NPAS3: variants seen among roughly 807,000 people sequenced by gnomAD.
NPAS3 encodes the protein neuronal PAS domain-containing protein 3.
In NPAS3, 14 loss-of-function variants were observed where a neutral mutation model predicts 73.1. That is an observed-to-expected ratio of 0.19 (90% CI 0.13 to 0.30). The LOEUF (loss-of-function observed/expected upper bound fraction) is 0.30. Among genes scored for constraint, NPAS3 ranks in the 10% least tolerant of loss-of-function variants. The pLI is 1.00. For missense variants in NPAS3, 1,096 were observed against 1,250.0 expected (o/e 0.88, Z 1.86); for synonymous variants, 620 against 541.5 (o/e 1.14, Z -2.01).
In NPAS3 at chr14:33,752,242, TTTTA is replaced by T. The variant is rs767215419; in HGVS notation, c.852+16914_852+16917del. 6.4e-4 allele frequency among the ~76,000 whole-genome samples: 98 copies of T among 152,204 alleles called. 4 individuals are homozygous for T. The highest frequency in any genetic ancestry group is 5.9e-5 in the Non-Finnish European group (4 of 68,034). ...AGTTGCTTTCAGCTGCTTCATTTTA[TTTTA>T]TTTTTTTTCTTTCTCAAACATCTTT... On this transcript the variant is annotated intron_variant, in intron 7 of 11. Transcript: ENST00000356141.
intron 9 of NPAS3, among the ~76,000 whole-genome samples, chr14:33,789,956 A>G (rs1462991906): frequency 3.9e-5 from 6 of 152,212 alleles, no homozygotes; most frequent in Admixed American, 2.0e-4. Context: ...AGCGAGAGAC[A>G]CACAGGTTGC....
intron 3 of NPAS3, among the ~76,000 whole-genome samples, chr14:33,366,454 A>G (rs1217662271): frequency 6.6e-6 from 1 of 152,160 alleles, no homozygotes; most frequent in Non-Finnish European, 1.5e-5. Context: ...AAGCAGGTGA[A>G]GCGTGCCTGG....
At chr14:33,488,623 G>C (rs2051731523) in intron 4 of NPAS3, among the ~76,000 whole-genome samples, 1 of 152,174 alleles carries the variant, frequency 6.6e-6, no homozygotes, top group African/African-American at 2.4e-5. Flanking sequence ...CTGGCTCAGA[G>C]TGTTTTGGGG....
chr14:32,990,499 T>C (rs2038286411), intron 1 of NPAS3, among the ~76,000 whole-genome samples: 1 of 152,204 alleles, frequency 6.6e-6, no homozygotes, highest in African/African-American at 2.4e-5. Flanking sequence ...TTATTCCTCC[T>C]TCCCTCATTG....
chr14:33,290,289 G>A (rs2042047974), intron 3 of NPAS3, among the ~76,000 whole-genome samples: 1 of 152,006 alleles, frequency 6.6e-6, no homozygotes, highest in African/African-American at 2.4e-5. Context: ...TTCCAGGATT[G>A]TATTTTATTG....
intron 4 of NPAS3, among the ~76,000 whole-genome samples, chr14:33,367,526 C>T (rs1047649817): frequency 6.6e-6 from 1 of 152,000 alleles, no homozygotes; most frequent in South Asian, 2.1e-4. Context: ...TTAGTTCATG[C>T]GCCATGTGTA....
At chr14:33,085,249 G>A (rs2138753901) in intron 2 of NPAS3, among the ~76,000 whole-genome samples, 1 of 152,322 alleles carries the variant, frequency 6.6e-6, no homozygotes, top group South Asian at 2.1e-4. Flanking sequence ...CAGGAGTGCT[G>A]TCAGTCATTA....
rs80147474 is a variant in NPAS3 at position 33,421,547 on chromosome 14, CT to C, written c.468+54289del. 0.013 allele frequency among the ~76,000 whole-genome samples: 1,983 copies of C among 147,890 alleles called. 138 individuals are homozygous for C. The East Asian group carries it at 0.23, about 17-fold the overall frequency. On this transcript the variant is annotated intron_variant, in intron 4 of 11. Transcript: ENST00000356141. ...CATAGAAGCATTTCCCATATAGAAG[CT>C]TTTTTTTTTGTATGTCAGGTTGAGA... is the stretch of plus-strand genomic sequence containing the variant.
intron 1 of NPAS3, among the ~76,000 whole-genome samples, chr14:32,999,032 TAC>T (rs1449859946): frequency 6.6e-6 from 1 of 152,230 alleles, no homozygotes; most frequent in African/African-American, 2.4e-5. Context: ...TCATGCCCAG[TAC>T]ATGCCAGGGA....
chr14:33,277,255 G>A (rs1010149235), intron 3 of NPAS3, among the ~76,000 whole-genome samples: 1 of 152,158 alleles, frequency 6.6e-6, no homozygotes, highest in Admixed American at 6.6e-5. Flanking sequence ...GTGGTCAAAT[G>A]GAGGATACAT....
chr14:33,732,538 G>C (rs1206172479), intron 6 of NPAS3, among the ~76,000 whole-genome samples: 1 of 152,150 alleles, frequency 6.6e-6, no homozygotes, highest in East Asian at 1.9e-4. Context: ...CTCCTTACTT[G>C]TGCCCCTGTC....
intron 5 of NPAS3, among the ~76,000 whole-genome samples, chr14:33,670,018 C>T (rs1273050713): frequency 1.3e-5 from 2 of 152,080 alleles, no homozygotes; most frequent in Non-Finnish European, 2.9e-5. Context: ...CAGGCTCCAG[C>T]GATTCTCCTG....
chr14:33,023,421 TC>T (rs2039679843), intron 1 of NPAS3, among the ~76,000 whole-genome samples: 1 of 152,244 alleles, frequency 6.6e-6, no homozygotes, highest in Admixed American at 6.5e-5. Context: ...CTTCTATGTA[TC>T]TTATTTCCTA....
chr14:33,631,722 A>T (rs1043752579), intron 5 of NPAS3, among the ~76,000 whole-genome samples: 2 of 152,206 alleles, frequency 1.3e-5, no homozygotes, highest in Non-Finnish European at 2.9e-5. Flanking sequence ...TAACCCTGGC[A>T]TGGTGCCCAT....
intron 6 of NPAS3, among the ~76,000 whole-genome samples, chr14:33,726,751 G>T (rs2061278255): frequency 6.6e-6 from 1 of 152,134 alleles, no homozygotes; most frequent in Non-Finnish European, 1.5e-5. Context: ...CAAAGAAAAA[G>T]TGAGCTATAG....
At chr14:33,694,973 G>A (rs1488113348) in intron 6 of NPAS3, among the ~76,000 whole-genome samples, 1 of 152,096 alleles carries the variant, frequency 6.6e-6, no homozygotes, top group Non-Finnish European at 1.5e-5. Context: ...TAAAGGCCTT[G>A]CAAAGAAAAA....
chr14:32,980,440 G>A (rs1286661147), intron 1 of NPAS3, among the ~76,000 whole-genome samples: 1 of 152,162 alleles, frequency 6.6e-6, no homozygotes, highest in Non-Finnish European at 1.5e-5. Flanking sequence ...TATAGAAATG[G>A]AATTTGCATG....
At chr14:33,460,343 A>G (rs191407168) in intron 4 of NPAS3, among the ~76,000 whole-genome samples, 1 of 152,276 alleles carries the variant, frequency 6.6e-6, no homozygotes, top group Non-Finnish European at 1.5e-5. Flanking sequence ...TCCTTAGTTC[A>G]CTGTTTGAAG....
In NPAS3 at chr14:33,007,713, G is replaced by C. The variant is rs113707210; in HGVS notation, c.51-48192G>C. ...AAATTTCAGAGGAAGAATGTTTCAT[G>C]TTCTAGCATAGGGGTTGGTAAAGTA... is the stretch of plus-strand genomic sequence containing the variant. On this transcript the variant is annotated intron_variant, in intron 1 of 11. Transcript: ENST00000356141. Among the ~76,000 whole-genome samples, 316 of 152,280 alleles carry C rather than the reference G, an allele frequency of 2.1e-3. 1 individual carries two copies. The highest frequency in any genetic ancestry group is 7.3e-3 in the African/African-American group (304 of 41,562).
Sources: allele counts gnomAD v4.1 joint callset (sites outside exome capture counted in the v4.1 genomes callset), GRCh38; gene constraint gnomAD v4.1.1; transcripts MANE v1.5; gene names NCBI Gene and HGNC (gene_info 2026-07-23, HGNC 2026-07-21).